Variants in TJP2 observed in about 807,000 individuals in gnomAD.
TJP2 encodes tight junction protein 2.
Under a neutral mutation model 133.1 loss-of-function variants are expected in TJP2, and 91 were observed. The observed-to-expected ratio is 0.68, with a 90% CI of 0.58 to 0.81. The LOEUF is 0.81. Among genes scored for constraint, TJP2 ranks in the 40% least tolerant of loss-of-function variants. TJP2 has a pLI of 0.00. For missense variants in TJP2, 1,541 were observed against 1,565.6 expected, an observed-to-expected ratio of 0.98 and a Z score of 0.26; for synonymous variants, 592 against 583.4, an observed-to-expected ratio of 1.01 and a Z score of -0.21.
chr9:69,149,038 T>C (rs565266853), intron 1 of TJP2, among the ~76,000 whole-genome samples: 1 of 152,362 alleles, frequency 6.6e-6, no homozygotes, highest in African/African-American at 2.4e-5. Flanking sequence ...AATTTTACAT[T>C]ATCTCTCAAT....
chr9:69,195,822 A>T (rs1419350285), intron 1 of TJP2, among the ~76,000 whole-genome samples: 3 of 152,212 alleles, frequency 2.0e-5, no homozygotes, highest in Non-Finnish European at 4.4e-5. Context: ...CTCACTGCAG[A>T]AGACTTATTG....
chr9:69,213,793 G>T (rs892914401), intron 2 of TJP2, among the ~76,000 whole-genome samples: 1 of 152,162 alleles, frequency 6.6e-6, no homozygotes, highest in African/African-American at 2.4e-5. Context: ...ATTGGCAGAG[G>T]TCAGAGATTT....
chr9:69,223,747 G>T (rs1002284466), intron 5 of TJP2, among the ~76,000 whole-genome samples: 2 of 152,220 alleles, frequency 1.3e-5, no homozygotes, highest in African/African-American at 4.8e-5. Context: ...CATGAAAGTA[G>T]CTTTGCCCTT....
chr9:69,179,848 A>C (rs1224259928), intron 1 of TJP2, among the ~76,000 whole-genome samples: 2 of 152,200 alleles, frequency 1.3e-5, no homozygotes, highest in Non-Finnish European at 2.9e-5. Flanking sequence ...TTTGTGTTTT[A>C]GTAAGTTAGG....
chr9:69,248,070 C>T lies in TJP2; in HGVS notation c.2726C>T (p.Ala909Val), dbSNP rs146761713. ...ATGTCCTACTTAACCGCCATGGGCGCGGACTATCTGAGTTGCGACAGCCGC... is the reference window on the plus strand; with the variant it reads ...ATGTCCTACTTAACCGCCATGGGCGTGGACTATCTGAGTTGCGACAGCCGC... The part of the protein sequence containing the change: ...DRMSYLTAMG[A>V]DYLSCDSRLI... The change falls in exon 19 of 23, where the codon GCG (alanine) becomes GTG (valine). Residue 909 changes from alanine to valine, a missense_variant. By Grantham distance (64) the Ala-to-Val change is moderately conservative (BLOSUM62 0). Coordinates refer to ENST00000377245, the MANE Select transcript of TJP2 (RefSeq NM_004817.4). The T allele has an allele frequency of 8.7e-5, 140 of 1,614,150 alleles. No homozygotes were observed. Among genetic ancestry groups the T allele is most frequent in the African/African-American group, 7.9e-4 (59 of 75,044 alleles).
In TJP2 at chr9:69,156,103, G is replaced by A. The variant is rs113487954; in HGVS notation, c.-10+4332G>A. 2.0e-3 allele frequency among the ~76,000 whole-genome samples: 302 copies of A among 152,300 alleles called. 3 individuals carry two copies. Among genetic ancestry groups the A allele is most frequent in the African/African-American group, 6.8e-3 (283 of 41,552 alleles). On this transcript the variant is annotated intron_variant, in intron 2 of 5. Coordinates refer to the TJP2 transcript ENST00000423935. ...AGTTTGGCCAGGCAGGGTGGCTCACGCCTGTAATCCTAGCACTTTGGGAGG... is the reference window on the plus strand; with the variant it reads ...AGTTTGGCCAGGCAGGGTGGCTCACACCTGTAATCCTAGCACTTTGGGAGG...
chr9:69,185,527 A>G (rs1825800200), intron 1 of TJP2, among the ~76,000 whole-genome samples: 1 of 152,342 alleles, frequency 6.6e-6, no homozygotes, highest in African/African-American at 2.4e-5. Flanking sequence ...TATAAGCTTG[A>G]GAAATTAGTT....
At chr9:69,223,177 G>A (rs556332028) in intron 5 of TJP2, among the ~76,000 whole-genome samples, 2 of 152,210 alleles carry the variant, frequency 1.3e-5, no homozygotes, top group East Asian at 3.9e-4. Flanking sequence ...AACCACAGTG[G>A]AGGACAGTAC....
intron 2 of TJP2, among the ~76,000 whole-genome samples, chr9:69,160,916 C>G (rs567037126): frequency 2.0e-5 from 3 of 152,282 alleles, no homozygotes; most frequent in African/African-American, 7.2e-5. Context: ...TTACCTCCTA[C>G]TGGGTCCCTC....
At chr9:69,231,173 T>A (rs1248912142) in intron 11 of TJP2, among the ~76,000 whole-genome samples, 1 of 152,090 alleles carries the variant, frequency 6.6e-6, no homozygotes, top group East Asian at 1.9e-4. Flanking sequence ...GCAGTGGTGC[T>A]ATCTCAGATC....
intron 1 of TJP2, among the ~76,000 whole-genome samples, chr9:69,211,736 C>T (rs1232715275): frequency 2.0e-5 from 3 of 152,146 alleles, no homozygotes; most frequent in African/African-American, 7.2e-5. Flanking sequence ...TCCACTCTAC[C>T]CATAGCCAAG....
intron 1 of TJP2, among the ~76,000 whole-genome samples, chr9:69,197,530 G>A (rs1400826444): frequency 6.6e-6 from 1 of 152,068 alleles, no homozygotes; most frequent in Non-Finnish European, 1.5e-5. Flanking sequence ...TTTCTACCAT[G>A]TGTTCGTAAT....
At chr9:69,208,863 A>G (rs1328912169) in intron 1 of TJP2, among the ~76,000 whole-genome samples, 1 of 152,176 alleles carries the variant, frequency 6.6e-6, no homozygotes, top group Non-Finnish European at 1.5e-5. Flanking sequence ...CTATATCCAA[A>G]GAAGAGTTGG....
At chr9:69,171,790 T>C (rs1824695696), upstream of TJP2, among the ~76,000 whole-genome samples, 4 of 3,778 alleles carry the variant, frequency 1.1e-3, no homozygotes, top group Admixed American at 0.011. Flanking sequence ...AGTAGAAGAA[T>C]TTTTTTTTTT....
chr9:69,152,683 C>T (rs1215786288), intron 2 of TJP2, among the ~76,000 whole-genome samples: 1 of 152,108 alleles, frequency 6.6e-6, no homozygotes, highest in Non-Finnish European at 1.5e-5. Context: ...CAGCAAGTAC[C>T]AGGCCCATGC....
intron 1 of TJP2, among the ~76,000 whole-genome samples, chr9:69,176,400 T>G (rs1294455791): frequency 6.6e-6 from 1 of 152,158 alleles, no homozygotes; most frequent in African/African-American, 2.4e-5. Flanking sequence ...AGGTGAGATC[T>G]AAAGATACAA....
At chr9:69,192,971 G>C (rs1317670466) in intron 1 of TJP2, among the ~76,000 whole-genome samples, 1 of 141,228 alleles carries the variant, frequency 7.1e-6, no homozygotes, top group Non-Finnish European at 1.5e-5. Context: ...ACCCAGGCTA[G>C]TGTCCAGTGG....
At position 69,220,892 on chromosome 9, in the gene TJP2, C is replaced by G. The variant is rs751535451; in HGVS notation, c.348C>G (p.Val116=). Residue 116 remains valine (V), a synonymous_variant, in exon 5 of 23, where the codon GTC becomes GTG. Transcript: ENST00000377245. ...RKSGKVAAIV[V]KRPRKVQVAA... ...TGAGTTTGTTTTGACAACAGGTGGT[C>G]AAGAGGCCCCGGAAGGTCCAGGTGG... The G allele has an allele frequency of 9.9e-6, 16 of 1,612,088 alleles. No individual in the cohort carries two copies. Among genetic ancestry groups the G allele is most frequent in the Non-Finnish European group, 1.3e-5 (15 of 1,180,002 alleles).
At chr9:69,207,489 G>A (rs925713762) in intron 1 of TJP2, among the ~76,000 whole-genome samples, 13 of 152,196 alleles carry the variant, frequency 8.5e-5, no homozygotes, top group African/African-American at 3.1e-4. Flanking sequence ...AGTTTTGGCT[G>A]TTGGGAACAT....
Sources: allele counts gnomAD v4.1 joint callset (sites outside exome capture counted in the v4.1 genomes callset), GRCh38; gene constraint gnomAD v4.1.1; transcripts MANE v1.5; gene names NCBI Gene and HGNC (gene_info 2026-07-23, HGNC 2026-07-21).